The following PIEZO1 variants were observed in gnomAD, a reference collection of about 807,000 sequenced individuals.
The protein encoded by PIEZO1 is piezo type mechanosensitive ion channel component 1 (Er blood group), also known as piezo-type mechanosensitive ion channel component 1.
Under a neutral mutation model 297.2 loss-of-function variants are expected in PIEZO1, and 296 were observed. That is an observed-to-expected ratio of 1.00 (90% CI 0.91 to 1.10). The LOEUF is 1.10. Among genes scored for constraint, PIEZO1 ranks in the 50% least tolerant of loss-of-function variants. The pLI is 0.00. For missense variants in PIEZO1, 5,018 were observed against 3,455.5 expected (o/e 1.45, Z -11.34); for synonymous variants, 2,427 against 1,507.5 (o/e 1.61, Z -14.13).
chr16:88,717,450 G>C, intron 44 of PIEZO1: 1 of 628,028 alleles, frequency 1.6e-6, no homozygotes, highest in South Asian at 1.6e-5. Flanking sequence ...AGTGGGAACG[G>C]ACAACCTTTT....
At chr16:88,756,872 C>A (rs12598064) in intron 1 of PIEZO1, among the ~76,000 whole-genome samples, 1 of 151,918 alleles carries the variant, frequency 6.6e-6, no homozygotes, top group Non-Finnish European at 1.5e-5. Flanking sequence ...GTCAGGAGAT[C>A]GAGACCATCC....
chr16:88,719,801 C>G lies in PIEZO1; in HGVS notation c.6323+1G>C. On this transcript the variant is annotated splice_donor_variant, in intron 43 of 50. Transcript: ENST00000301015. LOFTEE classifies it high-confidence loss of function. ...CCCCACCCCGGCGGACCTGCACTCA[C>G]CCCTGGAAGAGGAAGAGGTTGAGAT... is the stretch of plus-strand genomic sequence containing the variant. The G allele has an allele frequency of 6.4e-7, 1 of 1,550,516 alleles. No homozygotes were observed. Among genetic ancestry groups the G allele is most frequent in the Non-Finnish European group, 8.7e-7 (1 of 1,146,942 alleles).
Position 88,737,833 on chromosome 16 carries a change from T to C in PIEZO1, c.1021-19A>G, listed in dbSNP as rs891385055. Reference sequence around the variant, plus strand: ...CCTTCCTCTGCAGAGACCAGCGTCTTGAGCCCAAACCAGCTCCACACCCCA... The same window carrying C: ...CCTTCCTCTGCAGAGACCAGCGTCTCGAGCCCAAACCAGCTCCACACCCCA... On this transcript the variant is annotated intron_variant, in intron 8 of 50. Transcript: ENST00000301015. 1 of 1,535,482 alleles carries C rather than the reference T, an allele frequency of 6.5e-7. No homozygotes were observed. Among genetic ancestry groups the C allele is most frequent in the African/African-American group, 1.4e-5 (1 of 73,140 alleles).
At position 88,734,390 on chromosome 16, in the gene PIEZO1, G is replaced by A; in HGVS notation, c.2146C>T (p.Leu716=). The change falls in exon 16 of 51, where the codon CTG becomes TTG. Residue 716 remains leucine (L), a synonymous_variant. Transcript: ENST00000301015. ...MQLTDMEHVS[L]PGTRLPRWAH... ...CAGCGCGGGAGGCGCGTGCCAGGCA[G>A]GGACACGTGCTCCATGTCGGTGAGC... 1 of 1,547,276 alleles carries A rather than the reference G, an allele frequency of 6.5e-7. No individual in the cohort carries two copies. The highest frequency in any genetic ancestry group is 2.4e-5 in the East Asian group (1 of 40,872).
chr16:88,725,763 C>T, intron 27 of PIEZO1, 79 bp from the exon 28 acceptor site: 2 of 769,454 alleles, frequency 2.6e-6, no homozygotes, highest in East Asian at 2.7e-5. Context: ...CCCCGCTCAG[C>T]CCGGGACAGC....
chr16:88,731,881 G>A lies in PIEZO1; in HGVS notation c.3021C>T (p.Ile1007=), dbSNP rs769629472. 152 of 1,294,290 alleles carry A rather than the reference G, an allele frequency of 1.2e-4. No individual in the cohort carries two copies. The highest frequency in any genetic ancestry group is 4.1e-4 in the African/African-American group (12 of 29,320). 80.2% of individuals were successfully genotyped at this position (1,294,290 alleles called of 1,614,324 possible). Residue 1007 remains isoleucine, a synonymous_variant, in exon 22 of 51, where the codon ATC becomes ATT. Transcript: ENST00000301015. The part of the protein sequence containing the change: ...EICFLMAVNV[I]GQRMNFLVTL... ...TCACCAGAAAGTTCATGCGCTGCCC[G>A]ATCACGTTCACGGCCATCAGGAAGC... is the stretch of plus-strand genomic sequence containing the variant.
Position 88,736,126 on chromosome 16 carries a change from G to A in PIEZO1, c.1557+22C>T, listed in dbSNP as rs528509934. On this transcript the variant is annotated intron_variant, in intron 12 of 50. Coordinates refer to ENST00000301015, the MANE Select transcript of PIEZO1 (RefSeq NM_001142864.4). ...TGGGTCTGCGCACCCAGGCACCCCC[G>A]GATGTGGTGGTGCACACTCACCATG... 14 of 1,527,986 alleles carry A rather than the reference G, an allele frequency of 9.2e-6. No homozygotes were observed. In the African/African-American group the frequency reaches 1.1e-4, roughly 12 times the overall value. The allele number at this position is 1,527,986 out of a possible 1,614,324, so 94.7% of individuals were successfully genotyped here.
chr16:88,774,699 G>C (rs563566422), intron 1 of PIEZO1, among the ~76,000 whole-genome samples: 101 of 152,350 alleles, frequency 6.6e-4, no homozygotes, highest in Non-Finnish European at 1.2e-3. Flanking sequence ...CAAGGGCAAA[G>C]AGACCGCTTG....
At chr16:88,745,107 A>C (rs1340737621) in intron 2 of PIEZO1, 2 of 146,264 alleles carry the variant, frequency 1.4e-5, no homozygotes, top group African/African-American at 5.1e-5. Context: ...CCCAAATGCA[A>C]AGCTGGGAAA....
chr16:88,736,273 A>G lies in PIEZO1; in HGVS notation c.1432T>C (p.Cys478Arg). ...PCILLYGMTL[C>R]CLRYVWAMDL... ...ATGGCCCACACGTAGCGTAGGCAGC[A>G]CAGCGTCATCCCATACAGCAGGATG... The change falls in exon 12 of 51, where the codon TGC (cysteine) becomes CGC (arginine). Residue 478 changes from cysteine to arginine, a missense_variant. Cys to Arg is a radical substitution (Grantham distance 180). Coordinates refer to ENST00000301015, the MANE Select transcript of PIEZO1 (RefSeq NM_001142864.4). 2 of 1,550,212 alleles carry G rather than the reference A, an allele frequency of 1.3e-6. No individual in the cohort carries two copies. Among genetic ancestry groups the G allele is most frequent in the Non-Finnish European group, 1.7e-6 (2 of 1,146,854 alleles).
chr16:88,754,968 C>T (rs1313798387), intron 1 of PIEZO1, among the ~76,000 whole-genome samples: 1 of 152,250 alleles, frequency 6.6e-6, no homozygotes, highest in Non-Finnish European at 1.5e-5. Context: ...AGCAGCTGAA[C>T]CTCCCACCCG....
chr16:88,736,079 T>G, intron 12 of PIEZO1, 69 bp downstream of exon 12: 3 of 1,435,554 alleles, frequency 2.1e-6, no homozygotes, highest in Non-Finnish European at 2.8e-6. Context: ...CAAGTGGACA[T>G]TGAACAGGAC....
At position 88,734,786 on chromosome 16, in the gene PIEZO1, G is replaced by T; in HGVS notation, c.1861C>A (p.Leu621Met). 6.5e-7 allele frequency: 1 copy of T among 1,550,348 alleles called. No homozygotes were observed. Among genetic ancestry groups the T allele is most frequent in the Non-Finnish European group, 8.7e-7 (1 of 1,146,940 alleles). ...AAGGCCTTGAGCAGCTTCCGCCACA[G>T]GCTGTAGTAGACCTGCCGGGTGAGG... ...CLTLFQVYYS[L>M]WRKLLKAFWW... The change falls in exon 15 of 51, where the codon CTG (leucine) becomes ATG (methionine). Residue 621 changes from leucine (L) to methionine (M), a missense_variant. Transcript: ENST00000301015.
rs61742006 is a variant in PIEZO1, at chr16:88,722,333, C to T, written c.4840G>A (p.Gly1614Ser). The T allele has an allele frequency of 2.2e-4, 347 of 1,542,866 alleles. 5 individuals are homozygous for T. The South Asian group carries it at 2.5e-3, about 11-fold the overall frequency. Residue 1614 changes from glycine to serine, a missense_variant, in exon 36 of 51, where the codon GGC becomes AGC. By Grantham distance (56) the Gly-to-Ser change is moderately conservative. Coordinates refer to ENST00000301015, the MANE Select transcript of PIEZO1 (RefSeq NM_001142864.4). ...TDDMGSPLST[G>S]YHTRSGSEEA... is the part of the protein sequence containing the mutation. ...TCACTGCCACTGCGCGTGTGGTAGC[C>T]GGTGCTCAGGGGGCTGCCCATGTCG...
intron 11 of PIEZO1, 33 bp downstream of exon 11, chr16:88,736,606 G>A (rs1170638435): frequency 5.3e-6 from 8 of 1,510,000 alleles, no homozygotes; most frequent in Non-Finnish European, 5.3e-6. Context: ...GCGGCAGAGG[G>A]GGCCGCCCAC....
chr16:88,781,922 G>A (rs116499404), intron 1 of PIEZO1, among the ~76,000 whole-genome samples: 106 of 152,380 alleles, frequency 7.0e-4, no homozygotes, highest in African/African-American at 2.5e-3. Flanking sequence ...GGCCGTGGGT[G>A]TGCCCCTAGG....
At chr16:88,776,098 C>G (rs569197059) in intron 1 of PIEZO1, among the ~76,000 whole-genome samples, 3 of 150,710 alleles carry the variant, frequency 2.0e-5, no homozygotes, top group Non-Finnish European at 4.4e-5. Context: ...AGGTTAAACA[C>G]GTGCCACCCA....
chr16:88,771,638 ACAGT>A (rs1394261938), intron 1 of PIEZO1, among the ~76,000 whole-genome samples: 1 of 152,168 alleles, frequency 6.6e-6, no homozygotes, highest in East Asian at 1.9e-4. Context: ...CCCTCAGCCC[ACAGT>A]CAGAGCAGGG....
intron 1 of PIEZO1, among the ~76,000 whole-genome samples, chr16:88,765,248 T>C (rs1907120507): frequency 6.6e-6 from 1 of 151,520 alleles, no homozygotes; most frequent in Non-Finnish European, 1.5e-5. Flanking sequence ...AGGAGGGGAG[T>C]CACCAGCCAC....
Sources: gnomAD v4.1 joint callset for allele counts (sites outside exome capture counted in the v4.1 genomes callset) on GRCh38, gnomAD v4.1.1 for gene constraint, MANE v1.5 for transcripts, NCBI Gene and HGNC (gene_info 2026-07-23, HGNC 2026-07-21) for gene names.